The following SLC16A10 variants were observed in gnomAD, a reference collection of about 807,000 sequenced individuals.
The protein encoded by SLC16A10 is monocarboxylate transporter 10.
A neutral mutation model predicts 40.0 loss-of-function variants in SLC16A10; 27 were observed. The observed-to-expected ratio is 0.67, with a 90% CI of 0.50 to 0.93. The LOEUF (loss-of-function observed/expected upper bound fraction) is 0.93. Ranked by LOEUF, SLC16A10 falls within the 40% of genes least tolerant of loss-of-function variation. The pLI is 0.00. For missense variants in SLC16A10, 529 were observed against 658.2 expected (o/e 0.80, Z 2.15); for synonymous variants, 213 against 249.8 (o/e 0.85, Z 1.39).
At chr6:111,108,308 C>T (rs780826907) in intron 1 of SLC16A10, among the ~76,000 whole-genome samples, 2 of 152,188 alleles carry the variant, frequency 1.3e-5, no homozygotes, top group East Asian at 1.9e-4. Context: ...GCATGAGCCA[C>T]TGTGCCTGGC....
At chr6:111,104,200 A>C (rs540028990) in intron 1 of SLC16A10, among the ~76,000 whole-genome samples, 10 of 152,282 alleles carry the variant, frequency 6.6e-5, no homozygotes, top group Non-Finnish European at 1.3e-4. Context: ...GGCAATGGGG[A>C]GATACTGAGG....
intron 3 of SLC16A10, among the ~76,000 whole-genome samples, chr6:111,185,350 A>G (rs904490682): frequency 2.0e-5 from 3 of 152,148 alleles, no homozygotes; most frequent in Non-Finnish European, 2.9e-5. Flanking sequence ...CTGGGCCTAC[A>G]CCAAAGATTG....
chr6:111,119,419 C>T (rs957404311), intron 1 of SLC16A10, among the ~76,000 whole-genome samples: 34 of 152,304 alleles, frequency 2.2e-4, no homozygotes, highest in African/African-American at 8.2e-4. Flanking sequence ...TAGACGCTAA[C>T]ATTGGAATCT....
chr6:111,180,279 C>T (rs1009799082), intron 3 of SLC16A10, among the ~76,000 whole-genome samples: 2 of 152,220 alleles, frequency 1.3e-5, no homozygotes, highest in African/African-American at 4.8e-5. Flanking sequence ...CACAGTGGCT[C>T]ACGCCTATAA....
At chr6:111,140,812 G>T (rs934978223) in intron 1 of SLC16A10, among the ~76,000 whole-genome samples, 1 of 151,982 alleles carries the variant, frequency 6.6e-6, no homozygotes, top group African/African-American at 2.4e-5. Flanking sequence ...TTGAGAGAGG[G>T]TCTTTCTGTG....
intron 1 of SLC16A10, among the ~76,000 whole-genome samples, chr6:111,109,298 C>G (rs1226053095): frequency 6.6e-6 from 1 of 152,038 alleles, no homozygotes; most frequent in African/African-American, 2.4e-5. Context: ...TGTGCCTTTT[C>G]TAAAATTTTA....
At position 111,229,702 on chromosome 6, in the gene SLC16A10, TAAAC is replaced by T. The variant is rs1203777134; in HGVS notation, c.*7470_*7473del. On this transcript the variant is annotated 3_prime_UTR_variant, in exon 6 of 6. Coordinates refer to ENST00000368851, the MANE Select transcript of SLC16A10 (RefSeq NM_018593.5). ...CATTGTTTGTCTTTCAGATTTAACA[TAAAC>T]AATAAGTACTGCGGCTGGGTCACTG... 4 of 152,210 alleles carry T rather than the reference TAAAC, an allele frequency of 2.6e-5. No individual in the cohort carries two copies. Among genetic ancestry groups the T allele is most frequent in the Non-Finnish European group, 5.9e-5 (4 of 68,036 alleles). The allele number at this position is 152,210 out of a possible 1,614,324, so 9.4% of individuals were successfully genotyped here.
At chr6:111,129,956 A>G (rs1362610905) in intron 1 of SLC16A10, among the ~76,000 whole-genome samples, 2 of 152,202 alleles carry the variant, frequency 1.3e-5, no homozygotes, top group Non-Finnish European at 2.9e-5. Context: ...ATCTTACACA[A>G]CAGAATCCAA....
chr6:111,144,416 G>A (rs1772039752), intron 1 of SLC16A10, among the ~76,000 whole-genome samples: 1 of 152,106 alleles, frequency 6.6e-6, no homozygotes, highest in Non-Finnish European at 1.5e-5. Flanking sequence ...TGTTAGCCAG[G>A]ATGGTCTCGA....
intron 1 of SLC16A10, among the ~76,000 whole-genome samples, chr6:111,106,879 T>G (rs1292734662): frequency 6.6e-6 from 1 of 152,200 alleles, no homozygotes; most frequent in Non-Finnish European, 1.5e-5. Flanking sequence ...TTCAGAGCCT[T>G]TCCTCTAGCT....
At chr6:111,218,774 C>T (rs1770830194) in intron 4 of SLC16A10, 40 bp from the exon 5 acceptor site, 1 of 1,550,836 alleles carries the variant, frequency 6.4e-7, no homozygotes, top group Non-Finnish European at 8.9e-7. Context: ...GTGACATTTG[C>T]TTCCTGCGAG....
chr6:111,091,656 T>C (rs939190135), intron 1 of SLC16A10, among the ~76,000 whole-genome samples: 1 of 151,744 alleles, frequency 6.6e-6, no homozygotes, highest in African/African-American at 2.4e-5. Context: ...AGGACAATGT[T>C]TCTAGGCAGA....
rs35235587 is a variant in SLC16A10, at chr6:111,117,351, CAAAAAAAAAAA to C, written c.343+29271_343+29281del. ...TGGGCGACAGAGCGAGACTCCGTCT[CAAAAAAAAAAA>C]AAAAAAAAAAAAAAGTGGGAGGGTC... On this transcript the variant is annotated intron_variant, in intron 1 of 5. Coordinates refer to ENST00000368851, the MANE Select transcript of SLC16A10 (RefSeq NM_018593.5). Among the ~76,000 whole-genome samples the C allele has an allele frequency of 6.8e-5, 5 of 73,424 alleles. No individual in the cohort carries two copies. The South Asian group carries it at 1.9e-3, about 28-fold the overall frequency. The allele number at this position is 73,424 out of a possible 152,430, so 48.2% of individuals were successfully genotyped here.
intron 1 of SLC16A10, among the ~76,000 whole-genome samples, chr6:111,089,468 A>C (rs1770933640): frequency 1.3e-5 from 2 of 152,232 alleles, no homozygotes; most frequent in African/African-American, 4.8e-5. Flanking sequence ...ACAATGCTGC[A>C]ATGAATATTC....
rs1291785924 is a variant in SLC16A10 at position 111,177,402 on chromosome 6, A to C, written c.679A>C (p.Ser227Arg). Reference sequence around the variant, plus strand: ...TTTGCTCTTAAGGGTTCTGATTGACAGCGTGGGCCTCTTTTACACATTGAG... The same window carrying C: ...TTTGCTCTTAAGGGTTCTGATTGACCGCGTGGGCCTCTTTTACACATTGAG... ...LPLLLRVLID[S>R]VGLFYTLRVL... Residue 227 changes from serine to arginine, a missense_variant, in exon 3 of 6, where the codon AGC becomes CGC. Transcript: ENST00000368851. 2 of 1,613,904 alleles carry C rather than the reference A, an allele frequency of 1.2e-6. No individual in the cohort carries two copies. Among genetic ancestry groups the C allele is most frequent in the Non-Finnish European group, 1.7e-6 (2 of 1,179,998 alleles).
chr6:111,192,896 A>T (rs1357987612), intron 3 of SLC16A10, among the ~76,000 whole-genome samples: 1 of 152,236 alleles, frequency 6.6e-6, no homozygotes, highest in Non-Finnish European at 1.5e-5. Flanking sequence ...CCTAGGACAC[A>T]TGGGGATTAT....
At chr6:111,218,604 G>A (rs2114594487) in intron 4 of SLC16A10, among the ~76,000 whole-genome samples, 1 of 152,084 alleles carries the variant, frequency 6.6e-6, no homozygotes, top group Non-Finnish European at 1.5e-5. Flanking sequence ...TTTTAATCTT[G>A]TCCCTTAATG....
intron 1 of SLC16A10, among the ~76,000 whole-genome samples, chr6:111,161,145 C>A (rs1475114970): frequency 7.4e-6 from 1 of 135,880 alleles, no homozygotes; most frequent in Non-Finnish European, 1.5e-5. Context: ...ATTGCTGGAA[C>A]CTGGGAGGCA....
chr6:111,108,573 T>C (rs557814686), intron 1 of SLC16A10, among the ~76,000 whole-genome samples: 3 of 152,314 alleles, frequency 2.0e-5, no homozygotes, highest in Admixed American at 6.5e-5. Context: ...TTTCATTCTT[T>C]AGTGAATTTT....
Sources: gnomAD v4.1 joint callset for allele counts (sites outside exome capture counted in the v4.1 genomes callset) on GRCh38, gnomAD v4.1.1 for gene constraint, MANE v1.5 for transcripts, NCBI Gene and HGNC (gene_info 2026-07-23, HGNC 2026-07-21) for gene names.